Variants in RFTN2 observed in about 807,000 individuals in gnomAD.
RFTN2 encodes raftlin-2.
In RFTN2, 34 loss-of-function variants were observed where a neutral mutation model predicts 52.7. The ratio of observed to expected loss-of-function variants is 0.64; its 90% CI spans 0.49 to 0.86. The LOEUF (loss-of-function observed/expected upper bound fraction) is 0.86, where lower values mean the gene tolerates loss of function less well. Ranked by LOEUF, RFTN2 falls within the 40% of genes least tolerant of loss-of-function variation. The probability of loss-of-function intolerance (pLI) is 0.00; values close to 1 mark genes in which losing one functional copy is unlikely to be tolerated. For synonymous variants in RFTN2, 203 were observed against 217.7 expected (o/e 0.93, Z 0.59); for missense variants, 536 against 600.1 (o/e 0.89, Z 1.12).
At chr2:197,648,608 T>C (rs1470862578) in intron 1 of RFTN2, among the ~76,000 whole-genome samples, 1 of 152,246 alleles carries the variant, frequency 6.6e-6, no homozygotes, top group Non-Finnish European at 1.5e-5. Context: ...AACTTATTTT[T>C]AGAACTATAT....
In RFTN2 at chr2:197,615,902, C is replaced by A; in HGVS notation, c.1128G>T (p.Leu376Phe). 1 of 1,555,762 alleles carries A rather than the reference C, an allele frequency of 6.4e-7. No homozygotes were observed. The highest frequency in any genetic ancestry group is 8.7e-7 in the Non-Finnish European group (1 of 1,147,910). Residue 376 changes from leucine (L) to phenylalanine (F), a missense_variant, in exon 7 of 9, where the codon TTG (leucine) becomes TTT (phenylalanine). By Grantham distance (22) the Leu-to-Phe change is conservative. Transcript: ENST00000295049. Reference protein sequence around the residue: ...AEFGWLLTSVLPTPVLRHDSE... With the variant: ...AEFGWLLTSVFPTPVLRHDSE... Reference sequence around the variant, plus strand: ...TGTCATGTCTCAATACAGGTGTGGGCAACACGCTTGTCAGAAGCCATCCGA... The same window carrying A: ...TGTCATGTCTCAATACAGGTGTGGGAAACACGCTTGTCAGAAGCCATCCGA...
intron 5 of RFTN2, 25 bp from the exon 6 acceptor site, chr2:197,617,946 G>T: frequency 6.4e-7 from 1 of 1,572,114 alleles, no homozygotes. Context: ...GTACAATTAA[G>T]AAGGGTTGTA....
At chr2:197,671,777 A>G (rs2089151197) in intron 1 of RFTN2, among the ~76,000 whole-genome samples, 1 of 152,228 alleles carries the variant, frequency 6.6e-6, no homozygotes, top group South Asian at 2.1e-4. Context: ...CCAGAAATTC[A>G]GATAAGGAAG....
intron 7 of RFTN2, among the ~76,000 whole-genome samples, chr2:197,610,183 T>A (rs528964684): frequency 1.3e-5 from 2 of 152,348 alleles, no homozygotes; most frequent in Non-Finnish European, 2.9e-5. Context: ...GGGGATGGCA[T>A]CGAATCTGTA....
At chr2:197,642,600 G>A (rs1181567552) in intron 3 of RFTN2, among the ~76,000 whole-genome samples, 2 of 152,076 alleles carry the variant, frequency 1.3e-5, no homozygotes, top group Non-Finnish European at 2.9e-5. Flanking sequence ...CTTATTCACT[G>A]TTGGTTAAAT....
intron 1 of RFTN2, among the ~76,000 whole-genome samples, chr2:197,647,783 T>C (rs1197569375): frequency 1.3e-5 from 2 of 152,206 alleles, no homozygotes; most frequent in African/African-American, 4.8e-5. Context: ...AATGCAAAAT[T>C]GATTTGCAAT....
chr2:197,572,270 C>T lies in RFTN2; in HGVS notation c.1244G>A (p.Ser415Asn). The change falls in exon 9 of 9, where the codon AGC becomes AAC. Residue 415 changes from serine (S) to asparagine (N), a missense_variant. Coordinates refer to ENST00000295049, the MANE Select transcript of RFTN2 (RefSeq NM_144629.3). Reference sequence around the variant, plus strand: ...CTTGTCTTCACCTTTTATGTGGCGGCTGGCTTTCTTCTGAAACACAAGACA... The same window carrying T: ...CTTGTCTTCACCTTTTATGTGGCGGTTGGCTTTCTTCTGAAACACAAGACA... ...SAAQTPDKKASRHIKGEDKNK... is the reference protein window; with the variant it reads ...SAAQTPDKKANRHIKGEDKNK... 2 of 1,613,538 alleles carry T rather than the reference C, an allele frequency of 1.2e-6. No individual in the cohort carries two copies. Among genetic ancestry groups the T allele is most frequent in the Non-Finnish European group, 1.7e-6 (2 of 1,179,420 alleles).
intron 5 of RFTN2, among the ~76,000 whole-genome samples, chr2:197,621,401 G>GTT (rs55724429): frequency 0.65 from 79,568 of 122,262 alleles, 26,108 homozygotes; most frequent in Middle Eastern, 0.83. Flanking sequence ...GCAGATACCG[G>GTT]TTTTTTTTTT....
At chr2:197,638,094 G>T (rs1177471646) in intron 3 of RFTN2, among the ~76,000 whole-genome samples, 3 of 151,248 alleles carry the variant, frequency 2.0e-5, no homozygotes, top group African/African-American at 7.3e-5. Context: ...TTGCACTGTG[G>T]TCTGAGAGAT....
At chr2:197,594,916 T>A (rs2087772918) in intron 8 of RFTN2, among the ~76,000 whole-genome samples, 1 of 152,270 alleles carries the variant, frequency 6.6e-6, no homozygotes, top group Non-Finnish European at 1.5e-5. Context: ...TAAAATGTAC[T>A]AAACAATGTT....
At chr2:197,655,203 A>G (rs563919336) in intron 1 of RFTN2, among the ~76,000 whole-genome samples, 90 of 152,304 alleles carry the variant, frequency 5.9e-4, no homozygotes, top group African/African-American at 2.1e-3. Context: ...GAAGATAGCT[A>G]TAATAGAATA....
At chr2:197,629,450 C>T (rs2088424411) in intron 5 of RFTN2, among the ~76,000 whole-genome samples, 1 of 151,608 alleles carries the variant, frequency 6.6e-6, no homozygotes, top group South Asian at 2.1e-4. Context: ...TGTCATGGGG[C>T]AGGGGGATGG....
intron 3 of RFTN2, among the ~76,000 whole-genome samples, chr2:197,637,270 G>C (rs1386362468): frequency 6.6e-6 from 1 of 152,038 alleles, no homozygotes; most frequent in African/African-American, 2.4e-5. Context: ...GAGTTAGGGA[G>C]GATTCCCTCT....
At chr2:197,589,850 T>A (rs1007729994) in intron 8 of RFTN2, among the ~76,000 whole-genome samples, 4 of 152,204 alleles carry the variant, frequency 2.6e-5, no homozygotes, top group Admixed American at 2.0e-4. Flanking sequence ...AAAAGTTTTA[T>A]ATTTTGATGA....
At chr2:197,590,062 C>G (rs1371733034) in intron 8 of RFTN2, among the ~76,000 whole-genome samples, 3 of 151,576 alleles carry the variant, frequency 2.0e-5, no homozygotes, top group Non-Finnish European at 2.9e-5. Flanking sequence ...TGTGCGCCAC[C>G]ATGCCCAGCT....
chr2:197,616,161 T>C (rs975334951), intron 6 of RFTN2, among the ~76,000 whole-genome samples, 182 bp from the exon 7 acceptor site: 3 of 152,134 alleles, frequency 2.0e-5, no homozygotes, highest in African/African-American at 4.8e-5. Context: ...ACACTAGTAA[T>C]GGAGAGAGGT....
At position 197,629,245 on chromosome 2, in the gene RFTN2, C is replaced by T. The variant is rs550014685; in HGVS notation, c.928+1766G>A. Reference sequence around the variant, plus strand: ...ATTAAGAAAATGTGGCACATATACACCATGGAATACTATGCAGCCATAAAA... The same window carrying T: ...ATTAAGAAAATGTGGCACATATACATCATGGAATACTATGCAGCCATAAAA... On this transcript the variant is annotated intron_variant, in intron 5 of 8. Coordinates refer to ENST00000295049, the MANE Select transcript of RFTN2 (RefSeq NM_144629.3). Among the ~76,000 whole-genome samples the T allele has an allele frequency of 4.5e-3, 679 of 152,282 alleles. 5 individuals are homozygous for T. The highest frequency in any genetic ancestry group is 0.016 in the African/African-American group (651 of 41,542).
intron 7 of RFTN2, among the ~76,000 whole-genome samples, chr2:197,615,163 G>C (rs918110789): frequency 6.6e-6 from 1 of 152,202 alleles, no homozygotes; most frequent in African/African-American, 2.4e-5. Context: ...CTAAGGAAGG[G>C]GAAGTTGCTT....
chr2:197,568,336 G>A lies in RFTN2; in HGVS notation c.*3672C>T, dbSNP rs575479654. ...TTTAGAACCCATTTCTTTTGCAGTC[G>A]TCTTCACCAAAACTTTATGAACCTC... On this transcript the variant is annotated 3_prime_UTR_variant, in exon 9 of 9. Coordinates refer to ENST00000295049, the MANE Select transcript of RFTN2 (RefSeq NM_144629.3). 7.9e-5 allele frequency: 12 copies of A among 152,064 alleles called. No homozygotes were observed. Among genetic ancestry groups the A allele is most frequent in the East Asian group, 3.9e-4 (2 of 5,176 alleles). The allele number at this position is 152,064 out of a possible 1,614,324, so 9.4% of individuals were successfully genotyped here.
Sources: gnomAD v4.1 joint callset for allele counts (sites outside exome capture counted in the v4.1 genomes callset) on GRCh38, gnomAD v4.1.1 for gene constraint, MANE v1.5 for transcripts, NCBI Gene and HGNC (gene_info 2026-07-23, HGNC 2026-07-21) for gene names.